RIPOR1: variants seen among roughly 807,000 people sequenced by gnomAD.
The protein encoded by RIPOR1 is RHO family interacting cell polarization regulator 1.
A neutral mutation model predicts 116.5 loss-of-function variants in RIPOR1; 58 were observed. The ratio of observed to expected loss-of-function variants is 0.50; its 90% CI spans 0.40 to 0.62. The LOEUF is 0.62. Ranked by LOEUF, RIPOR1 falls within the 20% of genes least tolerant of loss-of-function variation. The pLI is 0.00. For synonymous variants in RIPOR1, 605 were observed against 650.0 expected, an observed-to-expected ratio of 0.93 and a Z score of 1.05; for missense variants, 1,372 against 1,586.2, an observed-to-expected ratio of 0.86 and a Z score of 2.29.
Position 67,545,644 on chromosome 16 carries a change from ACCATATC to A in RIPOR1, c.3191-17_3191-11del. The A allele has an allele frequency of 6.9e-7, 1 of 1,450,926 alleles. No individual in the cohort carries two copies. Among genetic ancestry groups the A allele is most frequent in the Non-Finnish European group, 9.4e-7 (1 of 1,064,666 alleles). The allele number at this position is 1,450,926 out of a possible 1,614,324, so 89.9% of individuals were successfully genotyped here. A position where few individuals can be genotyped will look rare whatever the true frequency, so the allele number is the denominator to read the frequency against. ...ACCCTGCCACCTTGCCCACCCACCC[ACCATATC>A]CCCTTTTTTCAGTGCTACTGGTGCG... is the stretch of plus-strand genomic sequence containing the variant. On this transcript the variant is annotated splice_polypyrimidine_tract_variant and intron_variant, in intron 18 of 21. Transcript: ENST00000042381. This position sits in a 1 kb window ranked among gnomAD's most constrained non-coding sequence, Gnocchi z 4.8.
intron 1 of RIPOR1, among the ~76,000 whole-genome samples, chr16:67,535,391 G>A (rs1487769749): frequency 2.0e-5 from 3 of 152,220 alleles, no homozygotes; most frequent in Admixed American, 2.0e-4. Flanking sequence ...CCCAGGGCTG[G>A]TTTCTGCCAG....
chr16:67,543,599 A>G lies in RIPOR1; in HGVS notation c.2600+130A>G. 7.4e-7 allele frequency: 1 copy of G among 1,344,292 alleles called. No individual in the cohort carries two copies. Among genetic ancestry groups the G allele is most frequent in the Non-Finnish European group, 1.0e-6 (1 of 986,638 alleles). 83.3% of individuals were successfully genotyped at this position (1,344,292 alleles called of 1,614,324 possible). A position where few individuals can be genotyped will look rare whatever the true frequency, so the allele number is the denominator to read the frequency against. ...GGACAGGTGAGGCAGGGCCAGGTGGAGCATGTGAGGACTGAGTTGCTGGCA... is the reference window on the plus strand; with the variant it reads ...GGACAGGTGAGGCAGGGCCAGGTGGGGCATGTGAGGACTGAGTTGCTGGCA... On this transcript the variant is annotated intron_variant, in intron 14 of 21. Coordinates refer to ENST00000042381, the MANE Select transcript of RIPOR1 (RefSeq NM_024519.4). This position sits in a 1 kb window ranked among gnomAD's most constrained non-coding sequence, Gnocchi z 4.7.
At position 67,543,642 on chromosome 16, in the gene RIPOR1, C is replaced by G; in HGVS notation, c.2600+173C>G. 3.6e-6 allele frequency: 3 copies of G among 841,048 alleles called. No individual in the cohort carries two copies. The highest frequency in any genetic ancestry group is 5.6e-6 in the Non-Finnish European group (3 of 537,054). The allele number at this position is 841,048 out of a possible 1,614,324, so 52.1% of individuals were successfully genotyped here. ...TGCTGGCAGGTGCACCTGTGTCCAC[C>G]CCTCCCATGTCCTTCATGCCCATGT... On this transcript the variant is annotated intron_variant, in intron 14 of 21. Transcript: ENST00000042381. This position sits in a 1 kb window ranked among gnomAD's most constrained non-coding sequence, Gnocchi z 4.7.
rs761191861 is a variant in RIPOR1, at chr16:67,542,841, T to C, written c.2055T>C (p.Ala685=). 2 of 1,613,778 alleles carry C rather than the reference T, an allele frequency of 1.2e-6. No individual in the cohort carries two copies. Among genetic ancestry groups the C allele is most frequent in the South Asian group, 2.2e-5 (2 of 91,074 alleles). ...NVSPSTSLEL[A]TLSSPSKHSD... The stretch of plus-strand genomic sequence containing the variant: ...GCCCTTCCACTTCTCTAGAACTTGC[T>C]ACCCTCTCCAGCCCCTCCAAACACT... The change falls in exon 13 of 22, where the codon GCT becomes GCC. Residue 685 remains alanine (A), a synonymous_variant. Transcript: ENST00000042381. The surrounding 1 kb of genome is among the most constrained non-coding windows in gnomAD (Gnocchi z 4.6).
rs1567562101 is a variant in RIPOR1 at position 67,530,943 on chromosome 16, G to A, written c.-24+2029G>A. On this transcript the variant is annotated intron_variant, in intron 1 of 21. Coordinates refer to ENST00000042381, the MANE Select transcript of RIPOR1 (RefSeq NM_024519.4). This position sits in a 1 kb window ranked among gnomAD's most constrained non-coding sequence, Gnocchi z 4.5. Reference sequence around the variant, plus strand: ...CCCTACCTGCTCTCACCCAGCAAGGGCAATCTTGCCCGCCCATCTCCCGAA... The same window carrying A: ...CCCTACCTGCTCTCACCCAGCAAGGACAATCTTGCCCGCCCATCTCCCGAA... Among the ~76,000 whole-genome samples the A allele has an allele frequency of 6.6e-6, 1 of 152,138 alleles. No homozygotes were observed. The highest frequency in any genetic ancestry group is 2.1e-4 in the South Asian group (1 of 4,826).
At position 67,542,676 on chromosome 16, in the gene RIPOR1, C is replaced by G. The variant is rs1303050209; in HGVS notation, c.1890C>G (p.Thr630=). The change falls in exon 13 of 22, where the codon ACC becomes ACG. Residue 630 remains threonine (T), a synonymous_variant. Transcript: ENST00000042381. This position sits in a 1 kb window ranked among gnomAD's most constrained non-coding sequence, Gnocchi z 4.6. ...TSPTHTPTSP[T]HKTSMSPPTT... ...CCACCCATACCCCCACAAGTCCCACCCACAAAACCAGTATGTCACCTCCCA... is the reference window on the plus strand; with the variant it reads ...CCACCCATACCCCCACAAGTCCCACGCACAAAACCAGTATGTCACCTCCCA... 4 of 1,613,768 alleles carry G rather than the reference C, an allele frequency of 2.5e-6. No individual in the cohort carries two copies. Among genetic ancestry groups the G allele is most frequent in the Non-Finnish European group, 3.4e-6 (4 of 1,179,880 alleles).
upstream of RIPOR1, chr16:67,528,149 A>C (rs1011302652): frequency 6.6e-6 from 1 of 152,172 alleles, no homozygotes; most frequent in Non-Finnish European, 1.5e-5. Flanking sequence ...CCCCACCTTT[A>C]CCGACTGTGT....
chr16:67,536,409 C>T (rs2050795617), intron 1 of RIPOR1, among the ~76,000 whole-genome samples: 2 of 152,044 alleles, frequency 1.3e-5, no homozygotes, highest in South Asian at 4.1e-4. Flanking sequence ...GATCGTGCCA[C>T]TGCACTACAG....
chr16:67,541,753 A>C lies in RIPOR1; in HGVS notation c.1051A>C (p.Thr351Pro). 2 of 1,614,072 alleles carry C rather than the reference A, an allele frequency of 1.2e-6. No homozygotes were observed. Among genetic ancestry groups the C allele is most frequent in the Non-Finnish European group, 1.7e-6 (2 of 1,179,984 alleles). ...FSTYSQSPPD[T>P]PSLREQAFYN... ...CACCTATAGCCAGAGCCCACCGGAC[A>C]CACCCTCACTTCGGGAACAGGCTTT... Residue 351 changes from threonine to proline, a missense_variant, in exon 12 of 22, where the codon ACA becomes CCA. Coordinates refer to ENST00000042381, the MANE Select transcript of RIPOR1 (RefSeq NM_024519.4). The surrounding 1 kb of genome is among the most constrained non-coding windows in gnomAD (Gnocchi z 4.6).
Position 67,537,394 on chromosome 16 carries a change from T to TC in RIPOR1, c.-23-1027dup. On this transcript the variant is annotated intron_variant, in intron 1 of 21. Coordinates refer to ENST00000042381, the MANE Select transcript of RIPOR1 (RefSeq NM_024519.4). This position sits in a 1 kb window ranked among gnomAD's most constrained non-coding sequence, Gnocchi z 4.6. Reference sequence around the variant, plus strand: ...CCCCGAGGGGAACCCCAGTCACCGGTCCCGCCCCATCCAGGCGGGCTGAGT... The same window carrying TC: ...CCCCGAGGGGAACCCCAGTCACCGGTCCCCGCCCCATCCAGGCGGGCTGAGT... The TC allele has an allele frequency of 8.1e-7, 1 of 1,236,898 alleles. No individual in the cohort carries two copies. The highest frequency in any genetic ancestry group is 1.0e-6 in the Non-Finnish European group (1 of 990,240). The allele number at this position is 1,236,898 out of a possible 1,614,324, so 76.6% of individuals were successfully genotyped here. A position where few individuals can be genotyped will look rare whatever the true frequency, so the allele number is the denominator to read the frequency against.
At chr16:67,538,291 C>T (rs1027371496) in intron 1 of RIPOR1, 133 bp from the exon 2 acceptor site, 11 of 1,254,712 alleles carry the variant, frequency 8.8e-6, no homozygotes, top group South Asian at 1.6e-5. Context: ...CGGGACTAGG[C>T]GGACCCGGCC....
chr16:67,535,895 G>A (rs966505850), intron 1 of RIPOR1, among the ~76,000 whole-genome samples: 8 of 152,282 alleles, frequency 5.3e-5, no homozygotes, highest in African/African-American at 1.7e-4. Flanking sequence ...CTTCAAGGAG[G>A]AGGGGAGAAT....
At position 67,540,502 on chromosome 16, in the gene RIPOR1, G is replaced by A; in HGVS notation, c.675+1G>A. ...GCTGTGTGTAGGCGATCAGTATGAGGTATGAGAATGTGCAGGGAAGGGCTG... is the reference window on the plus strand; with the variant it reads ...GCTGTGTGTAGGCGATCAGTATGAGATATGAGAATGTGCAGGGAAGGGCTG... On this transcript the variant is annotated splice_donor_variant, in intron 9 of 21. Coordinates refer to ENST00000042381, the MANE Select transcript of RIPOR1 (RefSeq NM_024519.4). LOFTEE classifies it high-confidence loss of function. This position sits in a 1 kb window ranked among gnomAD's most constrained non-coding sequence, Gnocchi z 4.7. 1 of 1,614,154 alleles carries A rather than the reference G, an allele frequency of 6.2e-7. No individual in the cohort carries two copies. Among genetic ancestry groups the A allele is most frequent in the Non-Finnish European group, 8.5e-7 (1 of 1,180,010 alleles).
chr16:67,539,645 G>A, intron 4 of RIPOR1, 83 bp from the exon 5 acceptor site: 2 of 1,508,840 alleles, frequency 1.3e-6, no homozygotes, highest in Non-Finnish European at 1.8e-6. Context: ...TGTGAGAAAG[G>A]GGAGCTGTGA....
rs146876313 is a variant in RIPOR1 at position 67,540,096 on chromosome 16, G to A, written c.458G>A (p.Arg153Gln). The part of the protein sequence containing the change: ...YEAYCVQRRL[R>Q]DGAYNMVRAY... Reference sequence around the variant, plus strand: ...GCATACTGTGTCCAGCGGCGTCTCCGGGATGGTGCCTACAACATGGTCCGT... The same window carrying A: ...GCATACTGTGTCCAGCGGCGTCTCCAGGATGGTGCCTACAACATGGTCCGT... Residue 153 changes from arginine (R) to glutamine (Q), a missense_variant, in exon 7 of 22, where the codon CGG (arginine) becomes CAG (glutamine). Coordinates refer to ENST00000042381, the MANE Select transcript of RIPOR1 (RefSeq NM_024519.4). The surrounding 1 kb of genome is among the most constrained non-coding windows in gnomAD (Gnocchi z 4.7). The A allele has an allele frequency of 3.0e-4, 481 of 1,614,188 alleles. No homozygotes were observed. The highest frequency in any genetic ancestry group is 3.6e-4 in the Non-Finnish European group (427 of 1,180,024).
At position 67,542,766 on chromosome 16, in the gene RIPOR1, T is replaced by C. The variant is rs200170440; in HGVS notation, c.1980T>C (p.Pro660=). 1.9e-6 allele frequency: 3 copies of C among 1,612,772 alleles called. No individual in the cohort carries two copies. Among genetic ancestry groups the C allele is most frequent in the Non-Finnish European group, 1.7e-6 (2 of 1,179,732 alleles). ...LVQTATSPTH[P]TTSPTHPTTS... ...AGACTGCCACAAGTCCCACCCATCC[T>C]ACCACAAGCCCCACCCATCCCACCA... The change falls in exon 13 of 22, where the codon CCT becomes CCC. Residue 660 remains proline, a synonymous_variant. Transcript: ENST00000042381. The surrounding 1 kb of genome is among the most constrained non-coding windows in gnomAD (Gnocchi z 4.6).
Position 67,531,280 on chromosome 16 carries a change from C to T in RIPOR1, c.-24+2366C>T, listed in dbSNP as rs1198850197. Among the ~76,000 whole-genome samples the T allele has an allele frequency of 6.6e-6, 1 of 151,888 alleles. No individual in the cohort carries two copies. Among genetic ancestry groups the T allele is most frequent in the Non-Finnish European group, 1.5e-5 (1 of 67,988 alleles). ...CTCCCCACCAACAAACAGCTCAGGA[C>T]CTGCTGTTCCTGTGTCTAGGCAGCC... On this transcript the variant is annotated intron_variant, in intron 1 of 21. Transcript: ENST00000042381. The surrounding 1 kb of genome is among the most constrained non-coding windows in gnomAD (Gnocchi z 4.2).
rs1311186254 is a variant in RIPOR1, at chr16:67,531,192, G to A, written c.-24+2278G>A. 2.0e-4 allele frequency among the ~76,000 whole-genome samples: 30 copies of A among 152,042 alleles called. No individual in the cohort carries two copies. The highest frequency in any genetic ancestry group is 4.8e-5 in the African/African-American group (2 of 41,382). ...ATGGTATACGATACCATCAGCCAGT[G>A]GGAAGGGAGAGGGAGGATTGCATGT... On this transcript the variant is annotated intron_variant, in intron 1 of 21. Coordinates refer to ENST00000042381, the MANE Select transcript of RIPOR1 (RefSeq NM_024519.4). The surrounding 1 kb of genome is among the most constrained non-coding windows in gnomAD (Gnocchi z 4.2).
Position 67,531,902 on chromosome 16 carries a change from T to G in RIPOR1, c.-24+2988T>G, listed in dbSNP as rs2050670172. Among the ~76,000 whole-genome samples, 1 of 152,146 alleles carries G rather than the reference T, an allele frequency of 6.6e-6. No individual in the cohort carries two copies. The highest frequency in any genetic ancestry group is 6.5e-5 in the Admixed American group (1 of 15,268). ...TACCACCTGTGTGACTGTTTTGTTT[T>G]GTTTTTTGAGACAGAGTCTCGCTCT... On this transcript the variant is annotated intron_variant, in intron 1 of 21. Transcript: ENST00000042381. This position sits in a 1 kb window ranked among gnomAD's most constrained non-coding sequence, Gnocchi z 4.2.
Sources: allele counts gnomAD v4.1 joint callset (sites outside exome capture counted in the v4.1 genomes callset), GRCh38; gene constraint gnomAD v4.1.1; non-coding constraint Gnocchi (gnomAD v3.1); transcripts MANE v1.5; gene names NCBI Gene and HGNC (gene_info 2026-07-23, HGNC 2026-07-21).